Variants in CACNA1B observed in about 807,000 individuals in gnomAD.
CACNA1B encodes the protein voltage-dependent N-type calcium channel subunit alpha-1B.
A neutral mutation model predicts 247.2 loss-of-function variants in CACNA1B; 70 were observed. That is an observed-to-expected ratio of 0.28 (90% CI 0.23 to 0.35). The LOEUF (loss-of-function observed/expected upper bound fraction) is 0.35. CACNA1B is among the 10% of genes least tolerant of loss of function. The pLI is 1.00. For missense variants in CACNA1B, 2,367 were observed against 3,197.4 expected, an observed-to-expected ratio of 0.74 and a Z score of 6.26; for synonymous variants, 1,231 against 1,294.4, an observed-to-expected ratio of 0.95 and a Z score of 1.05.
intron 39 of CACNA1B, among the ~76,000 whole-genome samples, chr9:138,111,143 T>C (rs1961614784): frequency 6.6e-6 from 1 of 152,222 alleles, no homozygotes; most frequent in South Asian, 2.1e-4. Flanking sequence ...TTGCCGTTAC[T>C]TCTATGGTCC....
intron 16 of CACNA1B, among the ~76,000 whole-genome samples, chr9:138,009,252 G>A (rs929521154): frequency 1.3e-5 from 2 of 152,232 alleles, no homozygotes; most frequent in South Asian, 4.1e-4. Flanking sequence ...AAAAGGTGGG[G>A]CAGCACCTCA....
At chr9:138,086,377 A>C (rs772685248) in intron 36 of CACNA1B, among the ~76,000 whole-genome samples, 1 of 151,072 alleles carries the variant, frequency 6.6e-6, no homozygotes, top group Non-Finnish European at 1.5e-5. Flanking sequence ...CTCTGAAAAG[A>C]AGCCCAGTGT....
intron 3 of CACNA1B, among the ~76,000 whole-genome samples, chr9:137,910,345 C>T (rs1957346320): frequency 6.6e-6 from 1 of 152,000 alleles, no homozygotes. Flanking sequence ...GGTTTCTTTT[C>T]ACTTTTTGAT....
At chr9:137,979,968 C>T (rs1032235443) in intron 12 of CACNA1B, among the ~76,000 whole-genome samples, 1 of 152,180 alleles carries the variant, frequency 6.6e-6, no homozygotes, top group African/African-American at 2.4e-5. Context: ...TGGGCACATG[C>T]GGGAAAGTCT....
In CACNA1B at chr9:138,051,560, C is replaced by T. The variant is rs932724569; in HGVS notation, c.3711-532C>T. Among the ~76,000 whole-genome samples the T allele has an allele frequency of 6.8e-6, 1 of 146,672 alleles. No individual in the cohort carries two copies. Among genetic ancestry groups the T allele is most frequent in the African/African-American group, 2.5e-5 (1 of 40,220 alleles). Reference sequence around the variant, plus strand: ...TTCGTCCGACTTTTTCTCTTTCTTACTCTCCTTCCCCTCTTCTGTCTTCCC... The same window carrying T: ...TTCGTCCGACTTTTTCTCTTTCTTATTCTCCTTCCCCTCTTCTGTCTTCCC... On this transcript the variant is annotated intron_variant, in intron 24 of 46. Transcript: ENST00000371372. This position sits in a 1 kb window ranked among gnomAD's most constrained non-coding sequence, Gnocchi z 4.3.
In CACNA1B at chr9:137,988,240, G is replaced by A. The variant is rs147277989; in HGVS notation, c.1974+1386G>A. 3.0e-4 allele frequency among the ~76,000 whole-genome samples: 46 copies of A among 152,358 alleles called. No homozygotes were observed. In the East Asian group the frequency reaches 8.7e-3, roughly 29 times the overall value. On this transcript the variant is annotated intron_variant, in intron 15 of 46. Transcript: ENST00000371372. ...CCGTAGGGTCCTGAATGTCAGGCAA[G>A]GGAAACTGGGAGGAGGCATTCCCAG...
At chr9:138,117,809 G>A in intron 42 of CACNA1B, 137 bp from the exon 43 acceptor site, 1 of 621,954 alleles carries the variant, frequency 1.6e-6, no homozygotes, top group Non-Finnish European at 2.7e-6. Flanking sequence ...GCTCAATTCA[G>A]TCCAGAACAG....
At chr9:137,949,273 GGT>G (rs778492763) in intron 6 of CACNA1B, among the ~76,000 whole-genome samples, 5 of 3,870 alleles carry the variant, frequency 1.3e-3, no homozygotes, top group Admixed American at 4.3e-3. Context: ...GTGTGTGTCT[GGT>G]GTGTGTGTTT....
At chr9:138,087,308 C>T (rs1960723189) in intron 36 of CACNA1B, among the ~76,000 whole-genome samples, 1 of 142,384 alleles carries the variant, frequency 7.0e-6, no homozygotes, top group Non-Finnish European at 1.5e-5. Context: ...TCACTTGAAC[C>T]TGGGAGGCAG....
In CACNA1B at chr9:137,897,554, T is replaced by C. The variant is rs1272160866; in HGVS notation, c.530+14671T>C. ...GAGATCGTGCCACTGCACTTCAACC[T>C]GGGCAACAGAGCAAGACTCCGTCTC... On this transcript the variant is annotated intron_variant, in intron 3 of 46. Coordinates refer to ENST00000371372, the MANE Select transcript of CACNA1B (RefSeq NM_000718.4). Among the ~76,000 whole-genome samples, 3 of 152,152 alleles carry C rather than the reference T, an allele frequency of 2.0e-5. No individual in the cohort carries two copies. In the East Asian group the frequency reaches 5.8e-4, roughly 29 times the overall value.
chr9:137,918,011 C>T (rs1244357350), intron 6 of CACNA1B, among the ~76,000 whole-genome samples: 2 of 152,200 alleles, frequency 1.3e-5, no homozygotes, highest in African/African-American at 2.4e-5. Flanking sequence ...GGAGCAGGGC[C>T]GAGGCCCCCA....
Position 137,886,412 on chromosome 9 carries a change from AC to A in CACNA1B, c.530+3531del, listed in dbSNP as rs566555411. Among the ~76,000 whole-genome samples, 614 of 152,086 alleles carry A rather than the reference AC, an allele frequency of 4.0e-3. 4 individuals are homozygous for A. Among genetic ancestry groups the A allele is most frequent in the Middle Eastern group, 0.014 (4 of 292 alleles). ...CTGCCTTCCCGTCCATGCCCCATCC[AC>A]CATCCTGCCCTCTGCTCAGCTCTCT... On this transcript the variant is annotated intron_variant, in intron 3 of 46. Transcript: ENST00000371372.
At chr9:138,120,067 G>A in intron 44 of CACNA1B, 98 bp from the exon 45 acceptor site, 1 of 1,013,822 alleles carries the variant, frequency 9.9e-7, no homozygotes. Context: ...GGGGCGTGTG[G>A]GCCTGCTGTC....
At chr9:138,107,972 G>A (rs1194250079) in intron 39 of CACNA1B, among the ~76,000 whole-genome samples, 5 of 148,706 alleles carry the variant, frequency 3.4e-5, no homozygotes, top group African/African-American at 1.2e-4. Context: ...GTGACAGAGT[G>A]AGACTCTGTC....
At chr9:138,041,877 C>G (rs1350499738) in intron 20 of CACNA1B, among the ~76,000 whole-genome samples, 1 of 152,178 alleles carries the variant, frequency 6.6e-6, no homozygotes, top group Non-Finnish European at 1.5e-5. Flanking sequence ...GCTTCAGCCT[C>G]TGGAGTCGCT....
At chr9:137,949,117 G>GC in intron 6 of CACNA1B, among the ~76,000 whole-genome samples, 1 of 562 alleles carries the variant, frequency 1.8e-3, no homozygotes, top group African/African-American at 5.7e-3. Context: ...GTGGCTGTGT[G>GC]TCCAGTGTGT....
intron 20 of CACNA1B, among the ~76,000 whole-genome samples, chr9:138,027,046 T>C (rs1958929729): frequency 6.6e-6 from 1 of 152,268 alleles, no homozygotes; most frequent in African/African-American, 2.4e-5. Flanking sequence ...ATGTGCTTAT[T>C]TGCCATGTGT....
rs536337055 is a variant in CACNA1B at position 138,069,784 on chromosome 9, C to T, written c.4674+21C>T. 14 of 1,606,056 alleles carry T rather than the reference C, an allele frequency of 8.7e-6. 1 individual carries two copies. Among genetic ancestry groups the T allele is most frequent in the Admixed American group, 5.0e-5 (3 of 59,984 alleles). On this transcript the variant is annotated intron_variant, in intron 32 of 46. Coordinates refer to ENST00000371372, the MANE Select transcript of CACNA1B (RefSeq NM_000718.4). ...AAACGGTTGGTTTCACGACTCTGAA[C>T]GGTTCTTGCAAGTCCTTGCTTTGCT...
intron 6 of CACNA1B, among the ~76,000 whole-genome samples, chr9:137,949,303 GGT>G (rs1169724431): frequency 5.4e-5 from 1 of 18,628 alleles, no homozygotes; most frequent in South Asian, 1.6e-3. Context: ...CTTTGTGTCT[GGT>G]GTGTGTGGTG....
Sources: gnomAD v4.1 joint callset for allele counts (sites outside exome capture counted in the v4.1 genomes callset) on GRCh38, gnomAD v4.1.1 for gene constraint, Gnocchi (gnomAD v3.1) non-coding constraint, MANE v1.5 for transcripts, NCBI Gene and HGNC (gene_info 2026-07-23, HGNC 2026-07-21) for gene names.